Variants in WWOX observed in about 807,000 individuals in gnomAD.
WWOX encodes the protein WW domain containing oxidoreductase.
In WWOX, 69 loss-of-function variants were observed where a neutral mutation model predicts 46.2. That is an observed-to-expected ratio of 1.49 (90% CI 1.23 to 1.82). WWOX has a LOEUF of 1.82. Among genes scored for constraint, WWOX ranks in the 40% most tolerant of loss-of-function variants. The pLI, the probability that WWOX is intolerant of heterozygous loss-of-function variation, is 0.00. For missense variants in WWOX, 919 were observed against 542.6 expected, an observed-to-expected ratio of 1.69 and a Z score of -6.89; for synonymous variants, 359 against 202.6, an observed-to-expected ratio of 1.77 and a Z score of -6.56.
intron 8 of WWOX, among the ~76,000 whole-genome samples, chr16:78,921,581 C>G (rs958805303): frequency 6.6e-6 from 1 of 152,224 alleles, no homozygotes; most frequent in Non-Finnish European, 1.5e-5. Flanking sequence ...CTCACATTCT[C>G]ATTTCACTGA....
intron 8 of WWOX, among the ~76,000 whole-genome samples, chr16:79,023,977 A>G (rs1415526046): frequency 1.3e-5 from 2 of 151,618 alleles, no homozygotes; most frequent in East Asian, 1.9e-4. Flanking sequence ...AAAAAACATT[A>G]TATTAAGTGA....
chr16:78,859,514 T>C (rs2052667028), intron 8 of WWOX, among the ~76,000 whole-genome samples: 1 of 152,202 alleles, frequency 6.6e-6, no homozygotes, highest in Admixed American at 6.5e-5. Flanking sequence ...TTTTTATCAT[T>C]AGCACCCATT....
At chr16:78,137,741 A>G (rs1012953209) in intron 4 of WWOX, among the ~76,000 whole-genome samples, 7 of 152,166 alleles carry the variant, frequency 4.6e-5, no homozygotes, top group Non-Finnish European at 8.8e-5. Context: ...TTTGATAAAA[A>G]TTGGCCTGTT....
intron 5 of WWOX, among the ~76,000 whole-genome samples, chr16:78,224,759 A>G (rs1184330151): frequency 6.6e-6 from 1 of 152,370 alleles, no homozygotes; most frequent in African/African-American, 2.4e-5. Flanking sequence ...ATTTTCCAGT[A>G]TCTTCACTAG....
intron 8 of WWOX, among the ~76,000 whole-genome samples, chr16:78,846,709 T>C (rs1425194646): frequency 6.6e-6 from 1 of 152,228 alleles, no homozygotes; most frequent in Non-Finnish European, 1.5e-5. Context: ...CCTTTGTAAT[T>C]AATAAATATA....
At chr16:78,685,058 C>G (rs1054611374) in intron 8 of WWOX, among the ~76,000 whole-genome samples, 4 of 152,172 alleles carry the variant, frequency 2.6e-5, no homozygotes, top group African/African-American at 9.7e-5. Flanking sequence ...GTGCTGTTCA[C>G]TGTAACATCG....
chr16:78,359,560 A>G (rs2081365730), intron 5 of WWOX, among the ~76,000 whole-genome samples: 1 of 152,222 alleles, frequency 6.6e-6, no homozygotes, highest in African/African-American at 2.4e-5. Context: ...AATGAGTTAG[A>G]ATATGAGTTT....
chr16:78,968,932 G>C (rs1217048505), intron 8 of WWOX, among the ~76,000 whole-genome samples: 1 of 148,860 alleles, frequency 6.7e-6, no homozygotes, highest in Non-Finnish European at 1.5e-5. Context: ...AAAAAAAAAA[G>C]ACAACTTGAA....
intron 8 of WWOX, among the ~76,000 whole-genome samples, chr16:78,873,847 G>A (rs1006441394): frequency 6.6e-6 from 1 of 151,912 alleles, no homozygotes; most frequent in Non-Finnish European, 1.5e-5. Context: ...TTTTTTGCCA[G>A]GCCATGTGCT....
chr16:79,082,982 G>A (rs7199945), intron 8 of WWOX, among the ~76,000 whole-genome samples: 60,450 of 151,958 alleles, frequency 0.4, 12,765 homozygotes, highest in South Asian at 0.51. Flanking sequence ...AGTGGTGTGA[G>A]TGGTTCCCAA....
intron 8 of WWOX, among the ~76,000 whole-genome samples, chr16:78,578,176 AAAT>A (rs1285009283): frequency 1.4e-5 from 2 of 147,950 alleles, no homozygotes; most frequent in East Asian, 4.0e-4. Context: ...TGACAATTAA[AAAT>A]AATCTCATAC....
intron 8 of WWOX, among the ~76,000 whole-genome samples, chr16:78,775,476 C>T (rs2050166057): frequency 6.6e-6 from 1 of 152,132 alleles, no homozygotes; most frequent in African/African-American, 2.4e-5. Flanking sequence ...TTTCTCATCT[C>T]TTGTTGAAAC....
chr16:79,175,109 T>C (rs2050774823), intron 8 of WWOX, among the ~76,000 whole-genome samples: 1 of 152,216 alleles, frequency 6.6e-6, no homozygotes, highest in Non-Finnish European at 1.5e-5. Flanking sequence ...GTTTGGGATT[T>C]GGGGCAACCT....
At chr16:78,461,309 C>T (rs963290253) in intron 8 of WWOX, among the ~76,000 whole-genome samples, 1 of 152,178 alleles carries the variant, frequency 6.6e-6, no homozygotes, top group African/African-American at 2.4e-5. Flanking sequence ...GCTGCTCTTG[C>T]ACTGTCCGTT....
intron 8 of WWOX, among the ~76,000 whole-genome samples, chr16:78,911,122 A>C (rs1278410685): frequency 1.3e-5 from 2 of 152,106 alleles, no homozygotes; most frequent in East Asian, 3.9e-4. Flanking sequence ...GACCTCAGAC[A>C]GGAGTCTGCT....
intron 8 of WWOX, among the ~76,000 whole-genome samples, chr16:78,622,610 C>T (rs2046216875): frequency 6.6e-6 from 1 of 151,994 alleles, no homozygotes; most frequent in Non-Finnish European, 1.5e-5. Flanking sequence ...AAGACGGCCC[C>T]AGTGATACCC....
intron 8 of WWOX, among the ~76,000 whole-genome samples, chr16:78,935,847 G>T (rs960308294): frequency 1.3e-5 from 2 of 152,194 alleles, no homozygotes; most frequent in African/African-American, 4.8e-5. Flanking sequence ...AGGTGGTAGA[G>T]GCTGCAGTGA....
chr16:78,502,467 C>G (rs1271126026), intron 8 of WWOX, among the ~76,000 whole-genome samples: 1 of 152,194 alleles, frequency 6.6e-6, no homozygotes, highest in African/African-American at 2.4e-5. Flanking sequence ...GTTTCTTCCT[C>G]TTAGCATCAT....
chr16:78,172,487 T>C (rs2151744455), intron 5 of WWOX, among the ~76,000 whole-genome samples: 2 of 152,302 alleles, frequency 1.3e-5, no homozygotes, highest in African/African-American at 4.8e-5. Context: ...TGCTTGGTAC[T>C]TATCCTCTAA....
Sources: gnomAD v4.1 joint callset for allele counts (sites outside exome capture counted in the v4.1 genomes callset) on GRCh38, gnomAD v4.1.1 for gene constraint, MANE v1.5 for transcripts, NCBI Gene and HGNC (gene_info 2026-07-23, HGNC 2026-07-21) for gene names.